TNS1: variants seen among roughly 807,000 people sequenced by gnomAD.
TNS1 encodes tensin-1.
TNS1 carries 62 observed loss-of-function variants against 168.6 expected under a neutral mutation model. The ratio of observed to expected loss-of-function variants is 0.37; its 90% confidence interval spans 0.30 to 0.45. The LOEUF (loss-of-function observed/expected upper bound fraction) is 0.45, where lower values mean the gene tolerates loss of function less well. Among genes scored for constraint, TNS1 ranks in the 20% least tolerant of loss-of-function variants. The pLI is 1.00. For synonymous variants in TNS1, 934 were observed against 933.2 expected, an observed-to-expected ratio of 1.00 and a Z score of -0.02; for missense variants, 2,240 against 2,339.4, an observed-to-expected ratio of 0.96 and a Z score of 0.88.
intron 6 of TNS1, among the ~76,000 whole-genome samples, chr2:217,901,290 C>A (rs893627140): frequency 2.0e-5 from 3 of 152,168 alleles, no homozygotes; most frequent in African/African-American, 7.2e-5. Flanking sequence ...CCCTCTGAGC[C>A]TCTTGTAATG....
intron 18 of TNS1, among the ~76,000 whole-genome samples, chr2:217,862,011 A>C (rs114583052): frequency 0.028 from 4,204 of 152,334 alleles, 194 homozygotes; most frequent in African/African-American, 0.096. Context: ...GGTGCAGACT[A>C]CAAGGATGTG....
chr2:217,848,049 C>A lies in TNS1; in HGVS notation c.2468G>T (p.Arg823Leu). Reference sequence around the variant, plus strand: ...TTCAATCTCCTGCTGGGAGGCTGCTCGCGGGAACTCAGGGAGACTGGGGAT... The same window carrying A: ...TTCAATCTCCTGCTGGGAGGCTGCTAGCGGGAACTCAGGGAGACTGGGGAT... Reference protein sequence around the residue: ...TPIPSLPEFPRAASQQEIEQS... With the variant: ...TPIPSLPEFPLAASQQEIEQS... The change falls in exon 19 of 33, where the codon CGA (arginine) becomes CTA (leucine). Residue 823 changes from arginine to leucine, a missense_variant. Arg to Leu is a moderately radical substitution (Grantham distance 102). This residue lies in a region of TNS1 where 2,131 missense variants were observed against 2,171.2 expected (regional missense o/e 0.98). Transcript: ENST00000682258. 1 of 1,528,606 alleles carries A rather than the reference C, an allele frequency of 6.5e-7. No homozygotes were observed. Among genetic ancestry groups the A allele is most frequent in the South Asian group, 1.3e-5 (1 of 76,738 alleles). 94.7% of individuals were successfully genotyped at this position (1,528,606 alleles called of 1,614,324 possible). A position where few individuals can be genotyped will look rare whatever the true frequency, so the allele number is the denominator to read the frequency against.
chr2:217,999,253 T>G (rs1958520252), intron 1 of TNS1, among the ~76,000 whole-genome samples: 1 of 152,190 alleles, frequency 6.6e-6, no homozygotes, highest in African/African-American at 2.4e-5. Flanking sequence ...ACTTGCTGGG[T>G]AGCCTTGAAA....
At chr2:218,005,701 G>A (rs1444299343), upstream of TNS1, among the ~76,000 whole-genome samples, 3 of 152,202 alleles carry the variant, frequency 2.0e-5, no homozygotes, top group African/African-American at 7.2e-5. Context: ...CATGGTTGAA[G>A]AATGACTCAA....
chr2:217,935,041 G>A (rs115423286), intron 3 of TNS1, among the ~76,000 whole-genome samples: 2,268 of 152,306 alleles, frequency 0.015, 20 homozygotes, highest in Non-Finnish European at 0.019. Context: ...GTCACCTGAC[G>A]CCCCTGCCAC....
intron 7 of TNS1, among the ~76,000 whole-genome samples, chr2:217,899,917 G>A (rs1337111174): frequency 6.6e-6 from 1 of 152,202 alleles, no homozygotes; most frequent in African/African-American, 2.4e-5. Context: ...TGAAGGTGAG[G>A]CAGAGAGGGC....
At chr2:217,805,267 C>A (rs1938295708) in intron 32 of TNS1, among the ~76,000 whole-genome samples, 1 of 151,796 alleles carries the variant, frequency 6.6e-6, no homozygotes, top group African/African-American at 2.4e-5. Flanking sequence ...AGCTCAGGTC[C>A]CCTCCCAGCC....
Position 217,818,006 on chromosome 2 carries a change from C to A in TNS1, c.4326G>T (p.Arg1442=). Residue 1442 remains arginine (R), a synonymous_variant, in exon 24 of 33, where the codon CGG becomes CGT. Transcript: ENST00000682258. ...CCTGGTAGCCAGAGGCACTGCTCTGCCGGGACAGTGTGGGTCTCCGATCCT... is the reference window on the plus strand; with the variant it reads ...CCTGGTAGCCAGAGGCACTGCTCTGACGGGACAGTGTGGGTCTCCGATCCT... ...TPEDRRPTLS[R]QSSASGYQAP... 1 of 1,597,244 alleles carries A rather than the reference C, an allele frequency of 6.3e-7. No homozygotes were observed. The highest frequency in any genetic ancestry group is 8.5e-7 in the Non-Finnish European group (1 of 1,171,772).
intron 2 of TNS1, among the ~76,000 whole-genome samples, chr2:217,983,791 C>A (rs1958118631): frequency 6.6e-6 from 1 of 152,244 alleles, no homozygotes; most frequent in African/African-American, 2.4e-5. Flanking sequence ...CGGCCACTCA[C>A]CCTGCCCTGC....
At chr2:218,000,769 C>T (rs1958548251) in intron 1 of TNS1, among the ~76,000 whole-genome samples, 1 of 152,150 alleles carries the variant, frequency 6.6e-6, no homozygotes. Context: ...CCATCCTGGC[C>T]ATGGGCATCA....
Position 217,892,938 on chromosome 2 carries a change from C to T in TNS1, c.782+10G>A, listed in dbSNP as rs756022304. ...TGTTCAGAGGATGGGAGGCTCCAGG[C>T]CCCTCTTACCTGGCAGAAATGTTGC... On this transcript the variant is annotated intron_variant, in intron 11 of 32. Transcript: ENST00000682258. 1 of 1,613,938 alleles carries T rather than the reference C, an allele frequency of 6.2e-7. No homozygotes were observed. Among genetic ancestry groups the T allele is most frequent in the Non-Finnish European group, 8.5e-7 (1 of 1,179,876 alleles).
At chr2:217,806,169 G>A (rs778346135) in intron 32 of TNS1, among the ~76,000 whole-genome samples, 20 of 152,288 alleles carry the variant, frequency 1.3e-4, no homozygotes, top group African/African-American at 2.9e-4. Context: ...CTGGAGCACC[G>A]AGCCTGCCCT....
chr2:217,841,238 G>A, intron 19 of TNS1: 1 of 985,052 alleles, frequency 1.0e-6, no homozygotes, highest in Non-Finnish European at 1.2e-6. Flanking sequence ...AGAGGAGGGG[G>A]CGGGAAGCTG....
chr2:218,028,291 T>C (rs913787009), intron 1 of TNS1, among the ~76,000 whole-genome samples: 1 of 151,974 alleles, frequency 6.6e-6, no homozygotes, highest in South Asian at 2.1e-4. Context: ...CCAGAGAAGC[T>C]CAGGCCCAGA....
At chr2:217,828,339 C>G (rs138900930) in intron 22 of TNS1, among the ~76,000 whole-genome samples, 7 of 152,330 alleles carry the variant, frequency 4.6e-5, no homozygotes, top group Non-Finnish European at 5.9e-5. Context: ...TGGGTGACAG[C>G]AGATTTAGAG....
intron 9 of TNS1, among the ~76,000 whole-genome samples, chr2:217,893,781 C>T (rs531458270): frequency 3.2e-4 from 48 of 152,368 alleles, no homozygotes; most frequent in African/African-American, 1.2e-3. Flanking sequence ...GGTCCCGGGT[C>T]TTGGCCCTGG....
chr2:218,008,884 T>C (rs1242326702), intron 1 of TNS1, among the ~76,000 whole-genome samples: 2 of 151,218 alleles, frequency 1.3e-5, no homozygotes, highest in Non-Finnish European at 1.5e-5. Context: ...ACAATGATAA[T>C]ATCCCTGTTT....
chr2:217,919,567 G>A (rs190882167), intron 4 of TNS1, among the ~76,000 whole-genome samples: 32 of 152,354 alleles, frequency 2.1e-4, no homozygotes, highest in Non-Finnish European at 1.5e-4. Context: ...AGGCAGGAAG[G>A]AAGAGTGCCC....
chr2:217,965,102 C>G (rs571218188), intron 3 of TNS1, among the ~76,000 whole-genome samples: 1 of 152,174 alleles, frequency 6.6e-6, no homozygotes, highest in Admixed American at 6.5e-5. Flanking sequence ...TAAGGGAACG[C>G]GAACCACAGT....
Sources: gnomAD v4.1 joint callset for allele counts (sites outside exome capture counted in the v4.1 genomes callset) on GRCh38, gnomAD v4.1.1 for gene constraint, gnomAD v4.1.1 regional missense constraint, MANE v1.5 for transcripts, NCBI Gene and HGNC (gene_info 2026-07-23, HGNC 2026-07-21) for gene names.